Variants in BRSK1 observed in about 807,000 individuals in gnomAD.
The protein encoded by BRSK1 is serine/threonine-protein kinase BRSK1.
BRSK1 carries 17 observed loss-of-function variants against 86.2 expected under a neutral mutation model. That is an observed-to-expected ratio of 0.20 (90% confidence interval 0.14 to 0.30). The LOEUF is 0.30. Among genes scored for constraint, BRSK1 ranks in the 10% least tolerant of loss-of-function variants. The pLI is 1.00. For missense variants in BRSK1, 719 were observed against 1,071.9 expected, an observed-to-expected ratio of 0.67 and a Z score of 4.60; for synonymous variants, 464 against 440.1, an observed-to-expected ratio of 1.05 and a Z score of -0.68.
chr19:55,304,129 T>C lies in BRSK1; in HGVS notation c.1347+19T>C, dbSNP rs1261513318. 2 of 1,608,142 alleles carry C rather than the reference T, an allele frequency of 1.2e-6. No homozygotes were observed. The highest frequency in any genetic ancestry group is 1.7e-6 in the Non-Finnish European group (2 of 1,177,960). On this transcript the variant is annotated intron_variant, in intron 13 of 18. Coordinates refer to ENST00000309383, the MANE Select transcript of BRSK1 (RefSeq NM_032430.2). The surrounding 1 kb of genome is among the most constrained non-coding windows in gnomAD (Gnocchi z 5.2). The stretch of plus-strand genomic sequence containing the variant: ...CCCAAGGGTAAGGCCAGGTCCCCAG[T>C]GGGATTTAAGAAGGAGAAAGGGGTG...
rs766537322 is a variant in BRSK1 at position 55,302,770 on chromosome 19, T to C, written c.931T>C (p.Ser311Pro). ...GRRVAMRSLPSNGELDPDVLE... is the reference protein window; with the variant it reads ...GRRVAMRSLPPNGELDPDVLE... Reference sequence around the variant, plus strand: ...CCGGGTAGCCATGCGGAGCCTGCCATCCAACGGAGAGCTGGACCCCGACGT... The same window carrying C: ...CCGGGTAGCCATGCGGAGCCTGCCACCCAACGGAGAGCTGGACCCCGACGT... Residue 311 changes from serine (S) to proline (P), a missense_variant, in exon 10 of 19, where the codon TCC becomes CCC. Transcript: ENST00000309383. The surrounding 1 kb of genome is among the most constrained non-coding windows in gnomAD (Gnocchi z 6.3). 4 of 1,613,620 alleles carry C rather than the reference T, an allele frequency of 2.5e-6. No individual in the cohort carries two copies. The highest frequency in any genetic ancestry group is 1.3e-5 in the African/African-American group (1 of 74,892).
Position 55,304,965 on chromosome 19 carries a change from G to C in BRSK1, c.1717+45G>C, listed in dbSNP as rs766858117. 1.3e-6 allele frequency: 2 copies of C among 1,593,514 alleles called. No homozygotes were observed. Among genetic ancestry groups the C allele is most frequent in the Non-Finnish European group, 8.5e-7 (1 of 1,176,940 alleles). ...CGAGTCCTAATGTGGGGAGAGGTTG[G>C]GGCTAAAAATCTGGTTCCAGGGATG... On this transcript the variant is annotated intron_variant, in intron 14 of 18. Coordinates refer to ENST00000309383, the MANE Select transcript of BRSK1 (RefSeq NM_032430.2). This position sits in a 1 kb window ranked among gnomAD's most constrained non-coding sequence, Gnocchi z 5.2.
rs770577241 is a variant in BRSK1, at chr19:55,287,142, C to T, written c.231+41C>T. 1.2e-6 allele frequency: 2 copies of T among 1,610,694 alleles called. No individual in the cohort carries two copies. Among genetic ancestry groups the T allele is most frequent in the Admixed American group, 3.3e-5 (2 of 59,938 alleles). On this transcript the variant is annotated intron_variant, in intron 2 of 18. Transcript: ENST00000309383. This position sits in a 1 kb window ranked among gnomAD's most constrained non-coding sequence, Gnocchi z 5.3. Reference sequence around the variant, plus strand: ...GCAGTGTGCCTGCGGGTGGGGGGGCCTCCGGGGCTGAGGGCAGGGGCGGGG... The same window carrying T: ...GCAGTGTGCCTGCGGGTGGGGGGGCTTCCGGGGCTGAGGGCAGGGGCGGGG...
At chr19:55,297,727 C>T (rs1325926816) in intron 7 of BRSK1, among the ~76,000 whole-genome samples, 1 of 152,260 alleles carries the variant, frequency 6.6e-6, no homozygotes, top group East Asian at 1.9e-4. Context: ...GCGAGCCAGT[C>T]ACCCTACCTC....
chr19:55,285,708 C>A (rs564087610), intron 1 of BRSK1, among the ~76,000 whole-genome samples: 1 of 152,138 alleles, frequency 6.6e-6, no homozygotes. Flanking sequence ...CCACCGGCCG[C>A]GGCCTCCTTC....
chr19:55,299,015 C>T (rs985773889), intron 7 of BRSK1, among the ~76,000 whole-genome samples: 15 of 152,106 alleles, frequency 9.9e-5, no homozygotes, highest in East Asian at 3.9e-4. Context: ...GGGCAGATCA[C>T]GAAGTCAGGA....
chr19:55,307,443 G>A (rs1422116991), intron 17 of BRSK1, among the ~76,000 whole-genome samples: 1 of 151,556 alleles, frequency 6.6e-6, no homozygotes, highest in Non-Finnish European at 1.5e-5. Context: ...CAGCTACTCA[G>A]GAGGCTGAGG....
In BRSK1 at chr19:55,306,160, C is replaced by G; in HGVS notation, c.1891-92C>G. 3.1e-6 allele frequency: 4 copies of G among 1,300,498 alleles called. 1 individual carries two copies. In the South Asian group the frequency reaches 5.3e-5, roughly 17 times the overall value. 80.6% of individuals were successfully genotyped at this position (1,300,498 alleles called of 1,614,324 possible). On this transcript the variant is annotated intron_variant, in intron 16 of 18. Coordinates refer to ENST00000309383, the MANE Select transcript of BRSK1 (RefSeq NM_032430.2). The surrounding 1 kb of genome is among the most constrained non-coding windows in gnomAD (Gnocchi z 4.7). ...CTGTCCTTCTTTCCCTCCAGTGGCT[C>G]ATGGGACTCGTAGTTCCTTGGCCAG...
intron 7 of BRSK1, among the ~76,000 whole-genome samples, chr19:55,297,857 C>T (rs1279178802): frequency 6.6e-6 from 1 of 152,144 alleles, no homozygotes; most frequent in Non-Finnish European, 1.5e-5. Flanking sequence ...TCTTGTCGCC[C>T]AGGCTGGAGT....
rs201444523 is a variant in BRSK1, at chr19:55,294,313, T to C, written c.610-16T>C. The C allele has an allele frequency of 2.7e-4, 439 of 1,614,142 alleles. 2 individuals are homozygous for C. Among genetic ancestry groups the C allele is most frequent in the Middle Eastern group, 1.2e-3 (7 of 6,062 alleles). On this transcript the variant is annotated splice_polypyrimidine_tract_variant and intron_variant, in intron 6 of 18. Coordinates refer to ENST00000309383, the MANE Select transcript of BRSK1 (RefSeq NM_032430.2). This position sits in a 1 kb window ranked among gnomAD's most constrained non-coding sequence, Gnocchi z 4.9. ...CAGTGAGGAGCGATGAAGTCACAAC[T>C]GGCCTTCCCTTCCAGGGGGAAAAAT...
intron 17 of BRSK1, among the ~76,000 whole-genome samples, chr19:55,308,306 T>C (rs1253750054): frequency 9.4e-6 from 1 of 106,348 alleles, no homozygotes; most frequent in Non-Finnish European, 1.8e-5. Flanking sequence ...ATTACAGGCA[T>C]GAGCCCCTGT....
Position 55,287,067 on chromosome 19 carries a change from A to G in BRSK1, c.197A>G (p.Asn66Ser), listed in dbSNP as rs2088328046. Residue 66 changes from asparagine (N) to serine (S), a missense_variant, in exon 2 of 19, where the codon AAC becomes AGC. Physicochemically the swap from Asn to Ser is conservative, Grantham distance 46 (BLOSUM62 1). Around this residue, in one of 6 missense-constraint regions of BRSK1, gnomAD observed 71 missense variants for 92.6 expected, o/e 0.77. Transcript: ENST00000309383. This position sits in a 1 kb window ranked among gnomAD's most constrained non-coding sequence, Gnocchi z 5.3. ...CAGAAGGTCGCCATCAAGATCGTGA[A>G]CCGGGAGAAGCTGTCGGAGTCGGTG... ...TGQKVAIKIV[N>S]REKLSESVLM... 1 of 1,593,114 alleles carries G rather than the reference A, an allele frequency of 6.3e-7. No individual in the cohort carries two copies. Among genetic ancestry groups the G allele is most frequent in the South Asian group, 1.1e-5 (1 of 90,448 alleles).
intron 17 of BRSK1, among the ~76,000 whole-genome samples, chr19:55,307,548 C>CA (rs11378640): frequency 0.48 from 38,325 of 80,480 alleles, 8,830 homozygotes; most frequent in South Asian, 0.62. Context: ...GACTCTGTCT[C>CA]AAAAAAAAAA....
At chr19:55,288,742 C>T (rs923508161) in intron 3 of BRSK1, among the ~76,000 whole-genome samples, 2 of 151,926 alleles carry the variant, frequency 1.3e-5, no homozygotes, top group African/African-American at 2.4e-5. Context: ...CGCACCACCA[C>T]GCCCAGCTAA....
Position 55,294,894 on chromosome 19 carries a change from C to T in BRSK1, c.678+497C>T, listed in dbSNP as rs569123723. Among the ~76,000 whole-genome samples the T allele has an allele frequency of 1.3e-5, 2 of 152,088 alleles. No homozygotes were observed. The highest frequency in any genetic ancestry group is 2.4e-5 in the African/African-American group (1 of 41,484). ...TTGGCTCACTGCAACCTACGCCGCCCGGGTTCAAGCTATTCTCCTGCCTCA... is the reference window on the plus strand; with the variant it reads ...TTGGCTCACTGCAACCTACGCCGCCTGGGTTCAAGCTATTCTCCTGCCTCA... On this transcript the variant is annotated intron_variant, in intron 7 of 18. Transcript: ENST00000309383. This position sits in a 1 kb window ranked among gnomAD's most constrained non-coding sequence, Gnocchi z 4.9.
chr19:55,294,942 C>T lies in BRSK1; in HGVS notation c.678+545C>T, dbSNP rs2088464028. Among the ~76,000 whole-genome samples the T allele has an allele frequency of 6.6e-6, 1 of 151,692 alleles. No individual in the cohort carries two copies. The highest frequency in any genetic ancestry group is 2.4e-5 in the African/African-American group (1 of 41,248). On this transcript the variant is annotated intron_variant, in intron 7 of 18. Transcript: ENST00000309383. This position sits in a 1 kb window ranked among gnomAD's most constrained non-coding sequence, Gnocchi z 4.9. ...TCAGCTTCCCGATTAGCTGGGACTA[C>T]AGGTACCTGCCACCATGCTTGGCTA...
Position 55,284,287 on chromosome 19 carries a change from T to TGG in BRSK1, c.-149_-148dup. 2 of 570,944 alleles carry TGG rather than the reference T, an allele frequency of 3.5e-6. No individual in the cohort carries two copies. The highest frequency in any genetic ancestry group is 8.8e-5 in the South Asian group (1 of 11,324). 35.4% of individuals were successfully genotyped at this position (570,944 alleles called of 1,614,324 possible). ...TCCCCCAGCTCCGCGGCCCGCCGAC[T>TGG]GGGGGGGGCCAGCCCAGCCCCCTGG... On this transcript the variant is annotated 5_prime_UTR_variant, in exon 1 of 19. Coordinates refer to ENST00000309383, the MANE Select transcript of BRSK1 (RefSeq NM_032430.2).
intron 7 of BRSK1, among the ~76,000 whole-genome samples, chr19:55,296,141 ACTC>A (rs1452100141): frequency 2.1e-5 from 3 of 140,118 alleles, no homozygotes; most frequent in African/African-American, 8.1e-5. Context: ...CCCTGCCCCC[ACTC>A]CTCCTCCCCA....
chr19:55,300,057 C>T (rs2088548746), intron 7 of BRSK1, among the ~76,000 whole-genome samples: 1 of 152,156 alleles, frequency 6.6e-6, no homozygotes, highest in African/African-American at 2.4e-5. Context: ...TGTTTCCTGT[C>T]CCCTCTGGAA....
Sources: gnomAD v4.1 joint callset for allele counts (sites outside exome capture counted in the v4.1 genomes callset) on GRCh38, gnomAD v4.1.1 for gene constraint, gnomAD v4.1.1 regional missense constraint, Gnocchi (gnomAD v3.1) non-coding constraint, MANE v1.5 for transcripts, NCBI Gene and HGNC (gene_info 2026-07-23, HGNC 2026-07-21) for gene names.